The following SLC18A1 variants were observed in gnomAD, a reference collection of about 807,000 sequenced individuals.
The protein encoded by SLC18A1 is chromaffin granule amine transporter.
A neutral mutation model predicts 53.7 loss-of-function variants in SLC18A1; 69 were observed. The ratio of observed to expected loss-of-function variants is 1.28; its 90% CI spans 1.06 to 1.57. The LOEUF (loss-of-function observed/expected upper bound fraction) is 1.57. SLC18A1 is among the 40% of genes most tolerant of loss of function. The pLI, the probability that SLC18A1 is intolerant of heterozygous loss-of-function variation, is 0.00. For synonymous variants in SLC18A1, 320 were observed against 248.1 expected (o/e 1.29, Z -2.72); for missense variants, 932 against 668.1 (o/e 1.40, Z -4.35).
At chr8:20,173,678 T>A (rs965750542) in intron 5 of SLC18A1, among the ~76,000 whole-genome samples, 4 of 152,218 alleles carry the variant, frequency 2.6e-5, no homozygotes, top group Non-Finnish European at 5.9e-5. Context: ...AAAACTGTGC[T>A]GGTGTTACCA....
At chr8:20,173,205 G>A (rs191496516) in intron 5 of SLC18A1, 77 bp from the exon 6 acceptor site, 1 of 1,021,338 alleles carries the variant, frequency 9.8e-7, no homozygotes, top group African/African-American at 1.6e-5. Context: ...GTCCCACCCT[G>A]TTATCTCTTC....
chr8:20,155,056 C>A (rs147568380), intron 10 of SLC18A1, among the ~76,000 whole-genome samples: 1 of 152,124 alleles, frequency 6.6e-6, no homozygotes, highest in African/African-American at 2.4e-5. Context: ...CTGTGACCCA[C>A]GGCTTCTAAT....
intron 3 of SLC18A1, among the ~76,000 whole-genome samples, chr8:20,178,805 A>G (rs904405189): frequency 2.0e-5 from 3 of 152,194 alleles, no homozygotes; most frequent in Non-Finnish European, 4.4e-5. Context: ...GCTCTAGATT[A>G]CAACAGGACT....
chr8:20,153,622 G>A (rs1473464432), intron 10 of SLC18A1, among the ~76,000 whole-genome samples: 1 of 151,830 alleles, frequency 6.6e-6, no homozygotes, highest in East Asian at 1.9e-4. Flanking sequence ...AGCTTGCAGT[G>A]AGCCACTGCA....
intron 8 of SLC18A1, among the ~76,000 whole-genome samples, chr8:20,168,405 CA>C (rs1456573854): frequency 6.6e-6 from 1 of 151,810 alleles, no homozygotes; most frequent in African/African-American, 2.4e-5. Context: ...TGATGAACTA[CA>C]AAAATAGGAC....
intron 10 of SLC18A1, among the ~76,000 whole-genome samples, chr8:20,152,881 C>A (rs1442449692): frequency 6.6e-6 from 1 of 151,942 alleles, no homozygotes; most frequent in Admixed American, 6.6e-5. Flanking sequence ...CTGGGATGCT[C>A]CAACCATAAT....
At chr8:20,147,160 A>G in intron 15 of SLC18A1, 98 bp downstream of exon 15, 1 of 1,306,660 alleles carries the variant, frequency 7.7e-7, no homozygotes, top group African/African-American at 1.5e-5. Flanking sequence ...CAACAGAGCA[A>G]TAGAGGGAGG....
chr8:20,179,825 G>T (rs529485171), intron 2 of SLC18A1, among the ~76,000 whole-genome samples: 221 of 152,272 alleles, frequency 1.5e-3, no homozygotes, highest in Non-Finnish European at 2.5e-3. Flanking sequence ...TACTCACTTA[G>T]ATTGACATGT....
Position 20,148,035 on chromosome 8 carries a change from G to T in SLC18A1, c.1182C>A (p.Gly394=). ...PLAHNIFGLI[G]PNAGLGLAIG... ...TGGCAAGGCCAAGCCCTGCATTGGG[G>T]CCAATGAGACCAAAAATATTGTGAG... Residue 394 remains glycine (G), a synonymous_variant, in exon 13 of 16, where the codon GGC becomes GGA. Transcript: ENST00000276373. The T allele has an allele frequency of 6.2e-7, 1 of 1,614,098 alleles. No individual in the cohort carries two copies. Among genetic ancestry groups the T allele is most frequent in the Non-Finnish European group, 8.5e-7 (1 of 1,180,006 alleles).
chr8:20,145,947 G>C, intron 15 of SLC18A1, 71 bp from the exon 16 acceptor site: 1 of 855,234 alleles, frequency 1.2e-6, no homozygotes, highest in Admixed American at 2.8e-5. Flanking sequence ...ACGGAGTCTC[G>C]CTCTGTTGCC....
chr8:20,153,692 C>A (rs1348061483), intron 10 of SLC18A1, among the ~76,000 whole-genome samples: 1 of 151,520 alleles, frequency 6.6e-6, no homozygotes, highest in East Asian at 2.0e-4. Flanking sequence ...GAAGTGAGGA[C>A]AGGAGTAGTG....
chr8:20,181,828 G>T (rs972584675), intron 1 of SLC18A1: 1 of 152,030 alleles, frequency 6.6e-6, no homozygotes, highest in African/African-American at 2.4e-5. Flanking sequence ...GTCAAACTGG[G>T]ATGAAATCCC....
intron 10 of SLC18A1, among the ~76,000 whole-genome samples, chr8:20,161,143 T>C (rs76608805): frequency 0.027 from 4,118 of 152,254 alleles, 81 homozygotes; most frequent in Middle Eastern, 0.048. Context: ...GTTTCAGAAG[T>C]CTTAAGTGGT....
rs201184869 is a variant in SLC18A1, at chr8:20,150,721, C to T, written c.1039G>A (p.Val347Met). The T allele has an allele frequency of 4.3e-5, 70 of 1,614,050 alleles. No homozygotes were observed. The highest frequency in any genetic ancestry group is 5.5e-5 in the Non-Finnish European group (65 of 1,180,018). The change falls in exon 11 of 16, where the codon GTG becomes ATG. Residue 347 changes from valine (V) to methionine (M), a missense_variant. Transcript: ENST00000276373. Reference protein sequence around the residue: ...QLGLAFLPASVSYLIGTNLFG... With the variant: ...QLGLAFLPASMSYLIGTNLFG... The stretch of plus-strand genomic sequence containing the variant: ...AGGTTGGTGCCAATGAGGTAGGACA[C>T]ACTGGCAGGCAAGAAAGCTAGACCT...
chr8:20,153,585 G>A (rs1306069026), intron 10 of SLC18A1, among the ~76,000 whole-genome samples: 1 of 151,940 alleles, frequency 6.6e-6, no homozygotes, highest in Admixed American at 6.6e-5. Flanking sequence ...GGCTGAGGCA[G>A]GAGAATGGCA....
rs1225328699 is a variant in SLC18A1, at chr8:20,155,747, T to C, written c.1016-5003A>G. ...AGACTTTCACTTCCTCTCCCAAGTA[T>C]TAGAGCAAGTTGTATCTCCAAAGGG... On this transcript the variant is annotated intron_variant, in intron 10 of 15. Transcript: ENST00000276373. 4.6e-5 allele frequency among the ~76,000 whole-genome samples: 7 copies of C among 152,222 alleles called. No individual in the cohort carries two copies. The East Asian group carries it at 1.2e-3, about 25-fold the overall frequency.
At chr8:20,181,243 T>A (rs1364430765) in intron 1 of SLC18A1, among the ~76,000 whole-genome samples, 156 bp from the exon 2 acceptor site, 1 of 152,220 alleles carries the variant, frequency 6.6e-6, no homozygotes, top group Non-Finnish European at 1.5e-5. Flanking sequence ...GCTATTTATG[T>A]CTGGATTTAT....
chr8:20,176,525 C>T (rs1410856437), intron 4 of SLC18A1, among the ~76,000 whole-genome samples: 1 of 152,072 alleles, frequency 6.6e-6, no homozygotes, highest in Non-Finnish European at 1.5e-5. Context: ...TTAGGAATAC[C>T]AAAGCAATTA....
chr8:20,152,636 C>A (rs2071586593), intron 10 of SLC18A1, among the ~76,000 whole-genome samples: 1 of 152,028 alleles, frequency 6.6e-6, no homozygotes, highest in South Asian at 2.1e-4. Flanking sequence ...TTTGAAGTGA[C>A]TGGTAGATAT....
Sources: gnomAD v4.1 joint callset for allele counts (sites outside exome capture counted in the v4.1 genomes callset) on GRCh38, gnomAD v4.1.1 for gene constraint, MANE v1.5 for transcripts, NCBI Gene and HGNC (gene_info 2026-07-23, HGNC 2026-07-21) for gene names.